The following SH3BP4 variants were observed in gnomAD, a reference collection of about 807,000 sequenced individuals.
SH3BP4 encodes the protein SH3 domain-binding protein 4.
Under a neutral mutation model 65.5 loss-of-function variants are expected in SH3BP4, and 33 were observed. The ratio of observed to expected loss-of-function variants is 0.50; its 90% CI spans 0.38 to 0.67. The LOEUF (loss-of-function observed/expected upper bound fraction) is 0.67, where lower values mean the gene tolerates loss of function less well. SH3BP4 is among the 30% of genes least tolerant of loss of function. The probability of loss-of-function intolerance (pLI) is 0.00; values close to 1 mark genes in which losing one functional copy is unlikely to be tolerated. For missense variants in SH3BP4, 1,134 were observed against 1,261.4 expected (o/e 0.90, Z 1.53); for synonymous variants, 552 against 545.5 (o/e 1.01, Z -0.17).
chr2:235,035,067 C>T lies in SH3BP4; in HGVS notation c.65C>T (p.Thr22Ile). ...NGLPRCKSEG[T>I]LIDLSEGFSE... ...CTCCCTCGCTGCAAGTCAGAGGGGA[C>T]CCTGATTGACCTGAGCGAAGGGTTT... is the stretch of plus-strand genomic sequence containing the variant. The change falls in exon 3 of 6, where the codon ACC becomes ATC. Residue 22 changes from threonine to isoleucine, a missense_variant. Thr to Ile is a moderately conservative substitution (Grantham distance 89). Transcript: ENST00000392011. The surrounding 1 kb of genome is among the most constrained non-coding windows in gnomAD (Gnocchi z 5.0). The T allele has an allele frequency of 1.2e-6, 2 of 1,614,076 alleles. No individual in the cohort carries two copies. Among genetic ancestry groups the T allele is most frequent in the Non-Finnish European group, 8.5e-7 (1 of 1,180,008 alleles).
intron 2 of SH3BP4, among the ~76,000 whole-genome samples, chr2:234,996,952 G>A (rs1693941402): frequency 6.8e-6 from 1 of 146,650 alleles, no homozygotes; most frequent in Non-Finnish European, 1.5e-5. Flanking sequence ...CTGACCCTGT[G>A]CCAGAGTTAC....
chr2:235,020,014 C>T (rs187816291), intron 2 of SH3BP4, among the ~76,000 whole-genome samples: 17 of 151,910 alleles, frequency 1.1e-4, no homozygotes, highest in African/African-American at 3.9e-4. Context: ...GCTTGTGGAC[C>T]CCCCGAGGGA....
Position 235,042,186 on chromosome 2 carries a change from A to C in SH3BP4, c.1417A>C (p.Lys473Gln). The C allele has an allele frequency of 6.2e-7, 1 of 1,614,136 alleles. No homozygotes were observed. Among genetic ancestry groups the C allele is most frequent in the Non-Finnish European group, 8.5e-7 (1 of 1,180,044 alleles). The change falls in exon 4 of 6, where the codon AAA (lysine) becomes CAA (glutamine). Residue 473 changes from lysine (K) to glutamine (Q), a missense_variant. Physicochemically the swap from Lys to Gln is moderately conservative, Grantham distance 53 (BLOSUM62 1). Transcript: ENST00000392011. The surrounding 1 kb of genome is among the most constrained non-coding windows in gnomAD (Gnocchi z 7.3). ...PSTVWDFINK[K>Q]VTVGLYGPKH... ...CACCGTGTGGGACTTCATCAATAAA[A>C]AAGTCACAGTGGGTCTCTACGGCCC...
intron 1 of SH3BP4, among the ~76,000 whole-genome samples, chr2:234,964,982 C>G (rs371744319): frequency 6.6e-6 from 1 of 152,150 alleles, no homozygotes; most frequent in Non-Finnish European, 1.5e-5. Context: ...GTAGCAGAGT[C>G]GGTCTCCCAG....
At chr2:235,017,045 C>CTTTTTTTTT (rs995197698) in intron 2 of SH3BP4, among the ~76,000 whole-genome samples, 19 of 88,412 alleles carry the variant, frequency 2.1e-4, no homozygotes, top group African/African-American at 4.4e-4. Flanking sequence ...GTTTGCCTTT[C>CTTTTTTTTT]TTTTTTTTTT....
intron 4 of SH3BP4, among the ~76,000 whole-genome samples, chr2:235,044,625 G>A (rs1431042497): frequency 4.6e-5 from 7 of 152,248 alleles, no homozygotes; most frequent in East Asian, 3.9e-4. Context: ...TCTGAGAGGC[G>A]TGCTTCTTGG....
Position 235,030,399 on chromosome 2 carries a change from T to C in SH3BP4, c.-132-4472T>C, listed in dbSNP as rs11900077. The stretch of plus-strand genomic sequence containing the variant: ...TCCAAGCCCGTTTTCATGGAATCTG[T>C]AAAGTGCAGCCAAGTCTGGTACCTG... On this transcript the variant is annotated intron_variant, in intron 2 of 5. Transcript: ENST00000392011. The surrounding 1 kb of genome is among the most constrained non-coding windows in gnomAD (Gnocchi z 4.1). 0.12 allele frequency among the ~76,000 whole-genome samples: 17,663 copies of C among 152,154 alleles called. 2,603 individuals are homozygous for C. The highest frequency in any genetic ancestry group is 0.34 in the African/African-American group (14,303 of 41,470).
intron 1 of SH3BP4, among the ~76,000 whole-genome samples, chr2:234,968,234 T>C (rs957375917): frequency 6.6e-6 from 1 of 152,126 alleles, no homozygotes; most frequent in Non-Finnish European, 1.5e-5. Flanking sequence ...AGTAGACTTA[T>C]GAGGTGGGGA....
At chr2:235,004,598 T>C (rs1413508052) in intron 2 of SH3BP4, among the ~76,000 whole-genome samples, 2 of 152,220 alleles carry the variant, frequency 1.3e-5, no homozygotes, top group African/African-American at 4.8e-5. Context: ...TTGTGTATCC[T>C]GGACATGACT....
intron 2 of SH3BP4, among the ~76,000 whole-genome samples, chr2:235,020,590 G>A (rs1412330896): frequency 6.6e-6 from 1 of 152,170 alleles, no homozygotes; most frequent in African/African-American, 2.4e-5. Flanking sequence ...TCATGGCGAT[G>A]ACAACATCCA....
chr2:235,041,052 G>T lies in SH3BP4; in HGVS notation c.283G>T (p.Ala95Ser), dbSNP rs199774203. ...LDTSGGEWWY[A>S]HNTTEMGYIP... The stretch of plus-strand genomic sequence containing the variant: ...CACATCTGGCGGTGAGTGGTGGTAC[G>T]CACACAACACCACCGAAATGGGCTA... The change falls in exon 4 of 6, where the codon GCA becomes TCA. Residue 95 changes from alanine (A) to serine (S), a missense_variant. Ala to Ser is a moderately conservative substitution (Grantham distance 99, BLOSUM62 1). Coordinates refer to ENST00000392011, the MANE Select transcript of SH3BP4 (RefSeq NM_014521.3). The surrounding 1 kb of genome is among the most constrained non-coding windows in gnomAD (Gnocchi z 6.0). The T allele has an allele frequency of 6.2e-7, 1 of 1,614,118 alleles. No individual in the cohort carries two copies. Among genetic ancestry groups the T allele is most frequent in the Non-Finnish European group, 8.5e-7 (1 of 1,180,022 alleles).
At chr2:235,006,722 T>C (rs1694308482) in intron 2 of SH3BP4, among the ~76,000 whole-genome samples, 1 of 152,154 alleles carries the variant, frequency 6.6e-6, no homozygotes, top group Admixed American at 6.5e-5. Context: ...TGTTCCCAAA[T>C]GGAAGCGTCC....
chr2:234,972,114 CTT>C (rs535246984), intron 1 of SH3BP4, among the ~76,000 whole-genome samples: 1 of 137,740 alleles, frequency 7.3e-6, no homozygotes. Context: ...CGTGCCCGGC[CTT>C]TTTTTTTTTT....
chr2:234,984,436 T>TG (rs1355017414), intron 1 of SH3BP4, among the ~76,000 whole-genome samples: 3 of 152,158 alleles, frequency 2.0e-5, no homozygotes, highest in African/African-American at 7.2e-5. Flanking sequence ...CTCAAACTCC[T>TG]GGGCTCAAGC....
At position 235,010,934 on chromosome 2, in the gene SH3BP4, G is replaced by C. The variant is rs921640268; in HGVS notation, c.-133+15558G>C. ...AGAGCCCTTCCTCCCTCTTCTAGGA[G>C]AACCCTTTCTCTCTCTCCTAGAACC... On this transcript the variant is annotated intron_variant, in intron 2 of 5. Transcript: ENST00000392011. Among the ~76,000 whole-genome samples the C allele has an allele frequency of 2.1e-3, 299 of 143,080 alleles. 8 individuals carry two copies. Among genetic ancestry groups the C allele is most frequent in the African/African-American group, 7.5e-3 (282 of 37,632 alleles). 93.9% of individuals were successfully genotyped at this position (143,080 alleles called of 152,430 possible).
At chr2:235,010,979 G>T (rs941064734) in intron 2 of SH3BP4, among the ~76,000 whole-genome samples, 7 of 144,220 alleles carry the variant, frequency 4.9e-5, no homozygotes, top group African/African-American at 1.8e-4. Flanking sequence ...TCTTCTAGGA[G>T]AACCCTTCCT....
chr2:235,017,824 G>A (rs970942148), intron 2 of SH3BP4, among the ~76,000 whole-genome samples: 1 of 152,124 alleles, frequency 6.6e-6, no homozygotes, highest in Non-Finnish European at 1.5e-5. Context: ...AATTATTTTA[G>A]AATGTTGGTT....
chr2:234,984,929 A>G (rs1182967354), intron 1 of SH3BP4, among the ~76,000 whole-genome samples: 2 of 152,126 alleles, frequency 1.3e-5, no homozygotes, highest in Non-Finnish European at 2.9e-5. Flanking sequence ...ACTGTTAACC[A>G]ACTATTAGGG....
At chr2:235,003,927 G>A (rs1694210896) in intron 2 of SH3BP4, among the ~76,000 whole-genome samples, 2 of 152,186 alleles carry the variant, frequency 1.3e-5, no homozygotes, top group South Asian at 4.1e-4. Flanking sequence ...ACCCACCCAA[G>A]ATGGCCCTAG....
Sources: allele counts gnomAD v4.1 joint callset (sites outside exome capture counted in the v4.1 genomes callset), GRCh38; gene constraint gnomAD v4.1.1; non-coding constraint Gnocchi (gnomAD v3.1); transcripts MANE v1.5; gene names NCBI Gene and HGNC (gene_info 2026-07-23, HGNC 2026-07-21).